Variants in ACOT12 observed in about 807,000 individuals in gnomAD.
ACOT12 encodes acetyl-coenzyme A thioesterase.
Under a neutral mutation model 67.7 loss-of-function variants are expected in ACOT12, and 51 were observed. That is an observed-to-expected ratio of 0.75 (90% CI 0.60 to 0.95). ACOT12 has a LOEUF of 0.95. Ranked by LOEUF, ACOT12 falls within the 40% of genes least tolerant of loss-of-function variation. The pLI is 0.00. For synonymous variants in ACOT12, 251 were observed against 244.6 expected (o/e 1.03, Z -0.24); for missense variants, 734 against 708.1 (o/e 1.04, Z -0.41).
intron 13 of ACOT12, among the ~76,000 whole-genome samples, chr5:81,331,247 T>TA (rs1237598174): frequency 2.6e-5 from 4 of 152,152 alleles, no homozygotes; most frequent in African/African-American, 9.7e-5. Context: ...CTTTTTAAAT[T>TA]AAAAAACAGG....
intron 11 of ACOT12, among the ~76,000 whole-genome samples, chr5:81,338,097 A>G (rs1394123519): frequency 6.6e-6 from 1 of 152,238 alleles, no homozygotes; most frequent in East Asian, 1.9e-4. Context: ...AGACAAGGAA[A>G]TGCAGTAGTT....
chr5:81,332,128 A>G (rs1758847937), intron 13 of ACOT12, among the ~76,000 whole-genome samples: 1 of 152,368 alleles, frequency 6.6e-6, no homozygotes, highest in South Asian at 2.1e-4. Flanking sequence ...GATGTCTAGC[A>G]TAGTCAAGCC....
intron 5 of ACOT12, among the ~76,000 whole-genome samples, chr5:81,355,781 C>T (rs1415631622): frequency 6.6e-6 from 1 of 152,180 alleles, no homozygotes; most frequent in Non-Finnish European, 1.5e-5. Context: ...CTCCTGCTTC[C>T]TGTGGGGCTG....
chr5:81,376,408 C>G (rs1036132706), intron 2 of ACOT12, among the ~76,000 whole-genome samples: 2 of 151,154 alleles, frequency 1.3e-5, no homozygotes, highest in East Asian at 3.9e-4. Flanking sequence ...AAATCAACAC[C>G]CTAACATCAC....
intron 3 of ACOT12, among the ~76,000 whole-genome samples, chr5:81,368,715 A>C (rs1187699160): frequency 2.6e-5 from 4 of 152,102 alleles, no homozygotes; most frequent in African/African-American, 9.7e-5. Context: ...AGAAAAGTTT[A>C]ATCAATTTCC....
intron 2 of ACOT12, among the ~76,000 whole-genome samples, chr5:81,375,059 A>G (rs889616263): frequency 2.6e-5 from 4 of 152,210 alleles, no homozygotes; most frequent in African/African-American, 9.6e-5. Context: ...CAAGGTTGAA[A>G]TGAAGGAAAA....
At chr5:81,348,026 A>T in intron 5 of ACOT12, 96 bp from the exon 6 acceptor site, 1 of 1,373,166 alleles carries the variant, frequency 7.3e-7, no homozygotes, top group East Asian at 2.3e-5. Flanking sequence ...ACTCGGATTT[A>T]TAGAAAAATT....
chr5:81,393,410 G>T (rs1760915067), intron 1 of ACOT12, among the ~76,000 whole-genome samples: 1 of 152,116 alleles, frequency 6.6e-6, no homozygotes, highest in Admixed American at 6.5e-5. Flanking sequence ...AACAAAAGCT[G>T]CCTGGGTGCG....
At chr5:81,327,353 A>AC (rs1758700275), downstream of ACOT12, among the ~76,000 whole-genome samples, 1 of 152,002 alleles carries the variant, frequency 6.6e-6, no homozygotes, top group Non-Finnish European at 1.5e-5. Flanking sequence ...CTTTCACTAG[A>AC]TTTTTTTCTA....
chr5:81,345,142 C>T lies in ACOT12; in HGVS notation c.774-101G>A, dbSNP rs545119555. 4.4e-6 allele frequency: 6 copies of T among 1,367,704 alleles called. No individual in the cohort carries two copies. The South Asian group carries it at 6.6e-5, about 15-fold the overall frequency. The allele number at this position is 1,367,704 out of a possible 1,614,324, so 84.7% of individuals were successfully genotyped here. A position where few individuals can be genotyped will look rare whatever the true frequency, so the allele number is the denominator to read the frequency against. Reference sequence around the variant, plus strand: ...TCCTCGCCCACCGCTGCCACCTCCTCTAAGCAACAGGAGGATAAGGGCCTG... The same window carrying T: ...TCCTCGCCCACCGCTGCCACCTCCTTTAAGCAACAGGAGGATAAGGGCCTG... On this transcript the variant is annotated intron_variant, in intron 7 of 14. Coordinates refer to ENST00000307624, the MANE Select transcript of ACOT12 (RefSeq NM_130767.3).
At chr5:81,375,456 G>C (rs1760382821) in intron 2 of ACOT12, among the ~76,000 whole-genome samples, 1 of 152,102 alleles carries the variant, frequency 6.6e-6, no homozygotes, top group Admixed American at 6.5e-5. Flanking sequence ...GAATCAGCTA[G>C]TATCATAATG....
chr5:81,373,826 C>T (rs1218096437), intron 2 of ACOT12, among the ~76,000 whole-genome samples: 1 of 152,192 alleles, frequency 6.6e-6, no homozygotes, highest in Admixed American at 6.5e-5. Flanking sequence ...TAGATTCCTC[C>T]TCTCTGGGCA....
At chr5:81,324,236 A>G in the ACOT12 span, among the ~76,000 whole-genome samples, 1 of 152,172 alleles carries the variant, frequency 6.6e-6, no homozygotes, top group South Asian at 2.1e-4. Flanking sequence ...CCACTGTGCC[A>G]GGCAGGGAAG....
chr5:81,338,459 T>C (rs773096786), intron 11 of ACOT12, among the ~76,000 whole-genome samples: 25 of 152,278 alleles, frequency 1.6e-4, no homozygotes, highest in Admixed American at 5.2e-4. Context: ...GCTCTAGCCA[T>C]GTAGGACGTG....
At chr5:81,339,424 T>A (rs1394241903) in intron 11 of ACOT12, among the ~76,000 whole-genome samples, 6 of 152,206 alleles carry the variant, frequency 3.9e-5, no homozygotes, top group Non-Finnish European at 5.9e-5. Context: ...CATCCCCAGG[T>A]CTTCCTTAAA....
chr5:81,336,468 A>G (rs1759007174), intron 11 of ACOT12, among the ~76,000 whole-genome samples: 1 of 152,150 alleles, frequency 6.6e-6, no homozygotes, highest in African/African-American at 2.4e-5. Context: ...TTTCCGAATC[A>G]CAGTGGCTGG....
chr5:81,356,851 C>T (rs1336266294), intron 5 of ACOT12, among the ~76,000 whole-genome samples: 7 of 152,028 alleles, frequency 4.6e-5, no homozygotes, highest in East Asian at 1.9e-4. Flanking sequence ...CCTCGCCTTT[C>T]GCCTGGTCTC....
At chr5:81,383,594 C>A (rs1056269395) in intron 2 of ACOT12, among the ~76,000 whole-genome samples, 1 of 152,038 alleles carries the variant, frequency 6.6e-6, no homozygotes, top group Non-Finnish European at 1.5e-5. Context: ...TATACTGAAT[C>A]CTGGTTTAAT....
At chr5:81,362,989 T>A (rs1759964646) in intron 4 of ACOT12, among the ~76,000 whole-genome samples, 1 of 152,156 alleles carries the variant, frequency 6.6e-6, no homozygotes, top group Non-Finnish European at 1.5e-5. Context: ...AGATCACCTG[T>A]GGTCAGGAGC....
Sources: allele counts gnomAD v4.1 joint callset (sites outside exome capture counted in the v4.1 genomes callset), GRCh38; gene constraint gnomAD v4.1.1; transcripts MANE v1.5; gene names NCBI Gene and HGNC (gene_info 2026-07-23, HGNC 2026-07-21).